SLC25A20: variants seen among roughly 807,000 people sequenced by gnomAD.
The protein encoded by SLC25A20 is solute carrier family 25 member 20.
In SLC25A20, 29 loss-of-function variants were observed where a neutral mutation model predicts 39.7. The observed-to-expected ratio is 0.73, with a 90% CI of 0.54 to 1.00. The LOEUF (loss-of-function observed/expected upper bound fraction) is 1.00, where lower values mean the gene tolerates loss of function less well. Among genes scored for constraint, SLC25A20 ranks in the 50% least tolerant of loss-of-function variants. The pLI is 0.00. For synonymous variants in SLC25A20, 103 were observed against 142.2 expected, an observed-to-expected ratio of 0.72 and a Z score of 1.96; for missense variants, 333 against 379.9, an observed-to-expected ratio of 0.88 and a Z score of 1.03.
At chr3:48,887,383 C>G (rs1341112620) in intron 2 of SLC25A20, among the ~76,000 whole-genome samples, 1 of 152,186 alleles carries the variant, frequency 6.6e-6, no homozygotes, top group Non-Finnish European at 1.5e-5. Flanking sequence ...TTCAACTCTT[C>G]AAAGACTTGG....
At chr3:48,886,067 T>C (rs1484960668) in intron 2 of SLC25A20, among the ~76,000 whole-genome samples, 1 of 151,994 alleles carries the variant, frequency 6.6e-6, no homozygotes, top group Non-Finnish European at 1.5e-5. Context: ...AGAAAAAATA[T>C]ATATAAAGTT....
Position 48,897,367 on chromosome 3 carries a change from A to ATT in SLC25A20, c.105+1321_105+1322dup, listed in dbSNP as rs869090435. Among the ~76,000 whole-genome samples the ATT allele has an allele frequency of 3.3e-3, 273 of 83,716 alleles. 2 individuals carry two copies. The highest frequency in any genetic ancestry group is 9.1e-3 in the African/African-American group (208 of 22,828). The allele number at this position is 83,716 out of a possible 152,430, so 54.9% of individuals were successfully genotyped here. On this transcript the variant is annotated intron_variant, in intron 1 of 8. Transcript: ENST00000319017. ...TGTGAATATATATATATATATATAT[A>ATT]TTTTTTTTTTTTTTTTTTTTAAGGG...
At chr3:48,873,744 C>CCGA in intron 4 of SLC25A20, among the ~76,000 whole-genome samples, 1 of 151,520 alleles carries the variant, frequency 6.6e-6, no homozygotes, top group Non-Finnish European at 1.5e-5. Flanking sequence ...CTTTGGGAGG[C>CCGA]GGAGGTGGGC....
intron 4 of SLC25A20, among the ~76,000 whole-genome samples, chr3:48,870,965 A>G (rs903767726): frequency 6.6e-6 from 1 of 151,838 alleles, no homozygotes; most frequent in Non-Finnish European, 1.5e-5. Flanking sequence ...AGCTGGGATT[A>G]CAGGCCTGCA....
chr3:48,897,950 G>A (rs2083921778), intron 1 of SLC25A20, among the ~76,000 whole-genome samples: 1 of 152,216 alleles, frequency 6.6e-6, no homozygotes, highest in Non-Finnish European at 1.5e-5. Context: ...GTTGCAAGGG[G>A]AATAGTTGAG....
chr3:48,880,729 G>A (rs771427022), intron 3 of SLC25A20, among the ~76,000 whole-genome samples: 3 of 151,240 alleles, frequency 2.0e-5, no homozygotes, highest in African/African-American at 2.4e-5. Context: ...CAGGCAAGCC[G>A]GGCTAATTTT....
chr3:48,866,029 G>A lies in SLC25A20; in HGVS notation c.418-3370C>T, dbSNP rs145216049. Reference sequence around the variant, plus strand: ...TGTGCCTGTAATCCCAGCTACTCGGGAGGCTGAGGCAGGAAAATTGCTTGA... The same window carrying A: ...TGTGCCTGTAATCCCAGCTACTCGGAAGGCTGAGGCAGGAAAATTGCTTGA... On this transcript the variant is annotated intron_variant, in intron 4 of 8. Transcript: ENST00000319017. 3.5e-3 allele frequency among the ~76,000 whole-genome samples: 536 copies of A among 152,110 alleles called. 6 individuals are homozygous for A. The highest frequency in any genetic ancestry group is 0.012 in the African/African-American group (505 of 41,484).
At chr3:48,875,955 G>A (rs1487750850) in intron 4 of SLC25A20, among the ~76,000 whole-genome samples, 1 of 152,180 alleles carries the variant, frequency 6.6e-6, no homozygotes, top group Non-Finnish European at 1.5e-5. Context: ...GGCAGAGATT[G>A]CAGTGTGCTG....
At chr3:48,883,883 C>T (rs1245589503) in intron 3 of SLC25A20, 114 bp downstream of exon 3, 13 of 1,332,790 alleles carry the variant, frequency 9.8e-6, no homozygotes, top group Non-Finnish European at 1.4e-5. Context: ...CTCAGTCTCC[C>T]AAAGTGCTAG....
At chr3:48,893,330 T>C (rs887685438) in intron 1 of SLC25A20, among the ~76,000 whole-genome samples, 5 of 152,126 alleles carry the variant, frequency 3.3e-5, no homozygotes, top group African/African-American at 1.2e-4. Flanking sequence ...ATAATGACAC[T>C]GAACAACTTC....
At position 48,898,834 on chromosome 3, in the gene SLC25A20, C is replaced by G. The variant is rs770977156; in HGVS notation, c.-40G>C. ...TCACTCCGTCTGTCAGTTCTCGGGCCGTCCTGGCTTCTCAGCCCCAGCTGC... is the reference window on the plus strand; with the variant it reads ...TCACTCCGTCTGTCAGTTCTCGGGCGGTCCTGGCTTCTCAGCCCCAGCTGC... On this transcript the variant is annotated 5_prime_UTR_variant, in exon 1 of 9. Coordinates refer to ENST00000319017, the MANE Select transcript of SLC25A20 (RefSeq NM_000387.6). 13 of 1,538,212 alleles carry G rather than the reference C, an allele frequency of 8.5e-6. No individual in the cohort carries two copies. Among genetic ancestry groups the G allele is most frequent in the East Asian group, 2.4e-5 (1 of 40,908 alleles).
chr3:48,883,308 T>A (rs2083807769), intron 3 of SLC25A20, among the ~76,000 whole-genome samples: 1 of 151,890 alleles, frequency 6.6e-6, no homozygotes, highest in Non-Finnish European at 1.5e-5. Context: ...ATCCCAGCAC[T>A]TTGGGAGGCC....
chr3:48,871,718 G>A (rs2106645303), intron 4 of SLC25A20, among the ~76,000 whole-genome samples: 1 of 144,392 alleles, frequency 6.9e-6, no homozygotes, highest in Non-Finnish European at 1.5e-5. Flanking sequence ...GGTGAGCCAA[G>A]ATCGCACCAT....
intron 4 of SLC25A20, among the ~76,000 whole-genome samples, chr3:48,871,829 C>T (rs1424745822): frequency 2.0e-5 from 3 of 150,482 alleles, no homozygotes; most frequent in Admixed American, 6.7e-5. Flanking sequence ...CCAATTGATT[C>T]GTTTTTTTGA....
intron 2 of SLC25A20, among the ~76,000 whole-genome samples, chr3:48,891,051 TTTTCTC>T (rs772168291): frequency 3.9e-4 from 59 of 151,956 alleles, no homozygotes; most frequent in Non-Finnish European, 5.1e-4. Flanking sequence ...GGCCCAGCTG[TTTTCTC>T]TTTATCTCTG....
chr3:48,892,472 T>C (rs1017633340), intron 1 of SLC25A20, among the ~76,000 whole-genome samples: 1 of 152,188 alleles, frequency 6.6e-6, no homozygotes, highest in Non-Finnish European at 1.5e-5. Flanking sequence ...AGGAGATATA[T>C]ATCAAGAGAT....
chr3:48,865,108 C>G (rs183851561), intron 4 of SLC25A20, among the ~76,000 whole-genome samples: 7 of 148,876 alleles, frequency 4.7e-5, no homozygotes, highest in African/African-American at 1.7e-4. Context: ...GTCTGGAGTT[C>G]AGGAAAAGTC....
chr3:48,888,517 C>G (rs1343616117), intron 2 of SLC25A20, among the ~76,000 whole-genome samples: 3 of 150,778 alleles, frequency 2.0e-5, no homozygotes, highest in Non-Finnish European at 4.4e-5. Flanking sequence ...TTGCAGTGAC[C>G]GAGATTGCGC....
chr3:48,867,394 G>A (rs1011561645), intron 4 of SLC25A20, among the ~76,000 whole-genome samples: 11 of 147,414 alleles, frequency 7.5e-5, no homozygotes, highest in Admixed American at 1.4e-4. Flanking sequence ...TACAGGATGC[G>A]CCACCATGCC....
Sources: allele counts gnomAD v4.1 joint callset (sites outside exome capture counted in the v4.1 genomes callset), GRCh38; gene constraint gnomAD v4.1.1; transcripts MANE v1.5; gene names NCBI Gene and HGNC (gene_info 2026-07-23, HGNC 2026-07-21).